PXDN: variants seen among roughly 807,000 people sequenced by gnomAD.
The protein encoded by PXDN is peroxidasin.
Under a neutral mutation model 140.3 loss-of-function variants are expected in PXDN, and 77 were observed. The observed-to-expected ratio is 0.55, with a 90% CI of 0.46 to 0.66. PXDN has a LOEUF of 0.66. Among genes scored for constraint, PXDN ranks in the 30% least tolerant of loss-of-function variants. The pLI, the probability that PXDN is intolerant of heterozygous loss-of-function variation, is 0.00. For missense variants in PXDN, 1,838 were observed against 2,039.5 expected, an observed-to-expected ratio of 0.90 and a Z score of 1.90; for synonymous variants, 911 against 857.4, an observed-to-expected ratio of 1.06 and a Z score of -1.09.
chr2:1,657,031 C>A (rs1170556780), intron 14 of PXDN, among the ~76,000 whole-genome samples: 1 of 150,928 alleles, frequency 6.6e-6, no homozygotes, highest in African/African-American at 2.4e-5. Context: ...CTACCCCCTG[C>A]TGACAGGGAC....
rs1553371240 is a variant in PXDN at position 1,731,152 on chromosome 2, G to GCGCACACACA, written c.200+13103_200+13104insTGTGTGTGCG. On this transcript the variant is annotated intron_variant, in intron 1 of 22. Coordinates refer to ENST00000252804, the MANE Select transcript of PXDN (RefSeq NM_012293.3). The stretch of plus-strand genomic sequence containing the variant: ...ACAGAACACTGTTGAGAGCGCGCGC[G>GCGCACACACA]CACACACACACACACACACACACAC... Among the ~76,000 whole-genome samples, 536 of 136,050 alleles carry GCGCACACACA rather than the reference G, an allele frequency of 3.9e-3. 2 individuals carry two copies. The highest frequency in any genetic ancestry group is 0.014 in the African/African-American group (508 of 36,262). The allele number at this position is 136,050 out of a possible 152,430, so 89.3% of individuals were successfully genotyped here.
At position 1,660,414 on chromosome 2, in the gene PXDN, G is replaced by A. The variant is rs1572136167; in HGVS notation, c.1837+467C>T. Among the ~76,000 whole-genome samples, 1 of 152,292 alleles carries A rather than the reference G, an allele frequency of 6.6e-6. No homozygotes were observed. The highest frequency in any genetic ancestry group is 1.9e-4 in the East Asian group (1 of 5,172). Reference sequence around the variant, plus strand: ...ACTGGATCTATGTAAGGCTGCCTACGAGCACCTAGAGGTTCCCACTGAAAG... The same window carrying A: ...ACTGGATCTATGTAAGGCTGCCTACAAGCACCTAGAGGTTCCCACTGAAAG... On this transcript the variant is annotated intron_variant, in intron 14 of 22. Coordinates refer to ENST00000252804, the MANE Select transcript of PXDN (RefSeq NM_012293.3). The surrounding 1 kb of genome is among the most constrained non-coding windows in gnomAD (Gnocchi z 4.6).
intron 9 of PXDN, chr2:1,669,725 G>C (rs1683531793): frequency 1.3e-5 from 2 of 152,146 alleles, no homozygotes; most frequent in African/African-American, 4.8e-5. Context: ...TGTAGTCCCA[G>C]CTACTCGGCA....
In PXDN at chr2:1,714,487, A is replaced by G. The variant is rs952331696; in HGVS notation, c.201-21353T>C. Among the ~76,000 whole-genome samples the G allele has an allele frequency of 6.6e-6, 1 of 152,142 alleles. No individual in the cohort carries two copies. The highest frequency in any genetic ancestry group is 2.4e-5 in the African/African-American group (1 of 41,450). On this transcript the variant is annotated intron_variant, in intron 1 of 22. Coordinates refer to ENST00000252804, the MANE Select transcript of PXDN (RefSeq NM_012293.3). This position sits in a 1 kb window ranked among gnomAD's most constrained non-coding sequence, Gnocchi z 4.3. ...TCATCACCACCAATCCTCGCCCAGC[A>G]ATGACCGCGGGTCCACGCTCAGGGA...
At chr2:1,662,217 G>C in intron 12 of PXDN, 33 bp from the exon 13 acceptor site, 1 of 1,531,778 alleles carries the variant, frequency 6.5e-7, no homozygotes, top group Non-Finnish European at 8.9e-7. Context: ...CCAGGAGAAC[G>C]AGTCAATTAC....
At chr2:1,635,350 T>G (rs2241457) in intron 22 of PXDN, 58 bp downstream of exon 22, 1 of 1,449,776 alleles carries the variant, frequency 6.9e-7, no homozygotes, top group South Asian at 1.2e-5. Context: ...AGTGGTCACA[T>G]GGGACTCTCG....
At chr2:1,653,086 G>A (rs1017114735) in intron 16 of PXDN, 5 of 210,194 alleles carry the variant, frequency 2.4e-5, no homozygotes, top group Non-Finnish European at 4.9e-5. Context: ...ACATGTAAAG[G>A]CATCTGTTAT....
chr2:1,656,697 A>C (rs1229198038), intron 14 of PXDN, among the ~76,000 whole-genome samples: 1 of 140,644 alleles, frequency 7.1e-6, no homozygotes, highest in African/African-American at 2.6e-5. Flanking sequence ...CCCCTGACAG[A>C]AACCCGCCCC....
At chr2:1,664,935 C>A in intron 11 of PXDN, 23 bp downstream of exon 11, 1 of 1,550,244 alleles carries the variant, frequency 6.5e-7, no homozygotes, top group Non-Finnish European at 8.9e-7. Context: ...AGGGAGCAGG[C>A]AAAGGGCCGG....
chr2:1,735,623 G>A (rs534352615), intron 1 of PXDN, among the ~76,000 whole-genome samples: 26 of 152,206 alleles, frequency 1.7e-4, no homozygotes, highest in African/African-American at 5.5e-4. Flanking sequence ...AGAACCATGC[G>A]GCAAACAAAT....
intron 9 of PXDN, 78 bp from the exon 10 acceptor site, chr2:1,666,564 G>A: frequency 6.9e-7 from 1 of 1,459,228 alleles, no homozygotes; most frequent in Non-Finnish European, 9.2e-7. Context: ...CCTATGTCAG[G>A]CTATTAATTC....
At position 1,643,392 on chromosome 2, in the gene PXDN, G is replaced by A. The variant is rs373843757; in HGVS notation, c.3928C>T (p.Arg1310Trp). The change falls in exon 19 of 23, where the codon CGG (arginine) becomes TGG (tryptophan). Residue 1310 changes from arginine to tryptophan, a missense_variant. Coordinates refer to ENST00000252804, the MANE Select transcript of PXDN (RefSeq NM_012293.3). ...SCDEIPRVDL[R>W]VWQDCCEDCR... ...CCTTCACAGCAGTCCTGCCACACCC[G>A]GAGGTCTACCCTGGGGATCTCGTCA... 3.0e-5 allele frequency: 49 copies of A among 1,613,744 alleles called. No homozygotes were observed. The highest frequency in any genetic ancestry group is 1.6e-4 in the Middle Eastern group (1 of 6,082).
At chr2:1,644,898 C>A (rs527933555) in intron 17 of PXDN, 146 bp from the exon 18 acceptor site, 3 of 975,790 alleles carry the variant, frequency 3.1e-6, no homozygotes, top group Non-Finnish European at 2.8e-6. Context: ...TACTTCTTTG[C>A]TGCATCTCTC....
chr2:1,723,155 TG>T (rs1159980840), intron 1 of PXDN, among the ~76,000 whole-genome samples: 2 of 151,836 alleles, frequency 1.3e-5, no homozygotes, highest in Non-Finnish European at 2.9e-5. Flanking sequence ...GATGGCTGAC[TG>T]GAAAATGGAT....
intron 1 of PXDN, among the ~76,000 whole-genome samples, chr2:1,720,680 TCTCTTTCTCTCTC>T: frequency 7.4e-6 from 1 of 134,432 alleles, no homozygotes; most frequent in African/African-American, 2.9e-5. Flanking sequence ...TCTCTCTGCA[TCTCTTTCTCTCTC>T]TCTCTGCATC....
intron 21 of PXDN, chr2:1,636,398 A>G (rs12714344): frequency 0.83 from 126,869 of 152,324 alleles, 54,212 homozygotes; most frequent in East Asian, 1. Context: ...ATGTCAATTA[A>G]AACATCTTCT....
rs574808317 is a variant in PXDN at position 1,723,320 on chromosome 2, G to A, written c.200+20936C>T. On this transcript the variant is annotated intron_variant, in intron 1 of 22. Transcript: ENST00000252804. ...GCATTAATGGATGGATAGCTGGAGG[G>A]ATGGATGATGAATAAATGGATGTGT... is the stretch of plus-strand genomic sequence containing the variant. Among the ~76,000 whole-genome samples, 860 of 152,296 alleles carry A rather than the reference G, an allele frequency of 5.6e-3. 12 individuals are homozygous for A. The highest frequency in any genetic ancestry group is 0.02 in the African/African-American group (823 of 41,554).
In PXDN at chr2:1,666,395, C is replaced by T. The variant is rs372621557; in HGVS notation, c.1110G>A (p.Pro370=). Reference sequence around the variant, plus strand: ...CACCTCTCGTCCAGGAGATCCGCGGCGGGGGGTGGCCTGTGGCGCTGCACT... The same window carrying T: ...CACCTCTCGTCCAGGAGATCCGCGGTGGGGGGTGGCCTGTGGCGCTGCACT... ...TLECSATGHP[P]PRISWTRGDR... is the part of the protein sequence containing the mutation. The change falls in exon 10 of 23, where the codon CCG becomes CCA. Residue 370 remains proline, a synonymous_variant. Transcript: ENST00000252804. 54 of 1,613,686 alleles carry T rather than the reference C, an allele frequency of 3.3e-5. No individual in the cohort carries two copies. Among genetic ancestry groups the T allele is most frequent in the East Asian group, 2.5e-4 (11 of 44,878 alleles).
intron 1 of PXDN, among the ~76,000 whole-genome samples, chr2:1,698,787 G>C (rs1219924752): frequency 6.6e-6 from 1 of 152,154 alleles, no homozygotes; most frequent in African/African-American, 2.4e-5. Context: ...CTTAGGGAAC[G>C]TCGACGCCAA....
Sources: allele counts gnomAD v4.1 joint callset (sites outside exome capture counted in the v4.1 genomes callset), GRCh38; gene constraint gnomAD v4.1.1; non-coding constraint Gnocchi (gnomAD v3.1); transcripts MANE v1.5; gene names NCBI Gene and HGNC (gene_info 2026-07-23, HGNC 2026-07-21).